The following HCN1 variants were observed in gnomAD, a reference collection of about 807,000 sequenced individuals.
The protein encoded by HCN1 is potassium/sodium hyperpolarization-activated cyclic nucleotide-gated channel 1.
A neutral mutation model predicts 78.9 loss-of-function variants in HCN1; 13 were observed. The ratio of observed to expected loss-of-function variants is 0.16; its 90% CI spans 0.11 to 0.26. HCN1 has a LOEUF of 0.26. Ranked by LOEUF, HCN1 falls within the 10% of genes least tolerant of loss-of-function variation. The pLI is 1.00. For missense variants in HCN1, 810 were observed against 1,154.3 expected, an observed-to-expected ratio of 0.70 and a Z score of 4.32; for synonymous variants, 552 against 455.5, an observed-to-expected ratio of 1.21 and a Z score of -2.70.
chr5:45,426,624 T>C lies in HCN1; in HGVS notation c.1012-29914A>G, dbSNP rs1579886623. On this transcript the variant is annotated intron_variant, in intron 3 of 7. Coordinates refer to ENST00000303230, the MANE Select transcript of HCN1 (RefSeq NM_021072.4). ...CATGATTGTGAGGCCTCCTCAGCTG[T>C]GTGGAACTGTGAGTTCGTTAAACCT... Among the ~76,000 whole-genome samples, 4 of 152,306 alleles carry C rather than the reference T, an allele frequency of 2.6e-5. No individual in the cohort carries two copies. In the South Asian group the frequency reaches 8.3e-4, roughly 32 times the overall value.
chr5:45,410,770 C>T (rs1423322576), intron 3 of HCN1, among the ~76,000 whole-genome samples: 2 of 152,040 alleles, frequency 1.3e-5, no homozygotes, highest in Non-Finnish European at 2.9e-5. Flanking sequence ...GTATTAAGCA[C>T]TTAAAGCTAT....
chr5:45,412,037 G>A (rs1740035345), intron 3 of HCN1, among the ~76,000 whole-genome samples: 1 of 152,086 alleles, frequency 6.6e-6, no homozygotes. Flanking sequence ...CCAATGTGGA[G>A]GGAAACAACA....
intron 4 of HCN1, among the ~76,000 whole-genome samples, chr5:45,384,447 T>G (rs1747875028): frequency 6.6e-6 from 1 of 152,148 alleles, no homozygotes; most frequent in Non-Finnish European, 1.5e-5. Context: ...ACTTCACTGT[T>G]TATATGGCCA....
intron 7 of HCN1, among the ~76,000 whole-genome samples, chr5:45,264,178 G>A (rs186122705): frequency 1.3e-5 from 2 of 152,272 alleles, no homozygotes; most frequent in Non-Finnish European, 2.9e-5. Flanking sequence ...AGGACCAAGG[G>A]CATAGTGCAT....
At chr5:45,444,955 A>C (rs547186009) in intron 3 of HCN1, among the ~76,000 whole-genome samples, 1 of 152,166 alleles carries the variant, frequency 6.6e-6, no homozygotes, top group Non-Finnish European at 1.5e-5. Flanking sequence ...CAGCCTGAGC[A>C]ATGCAGAAGA....
At chr5:45,515,124 T>C (rs140016841) in intron 2 of HCN1, among the ~76,000 whole-genome samples, 60 of 151,868 alleles carry the variant, frequency 4.0e-4, no homozygotes, top group Non-Finnish European at 7.1e-4. Flanking sequence ...CATTTTAACA[T>C]ATCGAGGACA....
chr5:45,539,953 TATATATAA>T (rs1187343849), intron 2 of HCN1, among the ~76,000 whole-genome samples: 3 of 115,968 alleles, frequency 2.6e-5, no homozygotes, highest in Admixed American at 9.1e-5. Context: ...TATATATATA[TATATATAA>T]AATGTTTATC....
chr5:45,351,280 A>T (rs1478264563), intron 5 of HCN1, among the ~76,000 whole-genome samples: 1 of 150,224 alleles, frequency 6.7e-6, no homozygotes, highest in Non-Finnish European at 1.5e-5. Context: ...TGGGGAAAGG[A>T]TTCCCTATTT....
At chr5:45,580,503 G>C (rs1744042056) in intron 2 of HCN1, among the ~76,000 whole-genome samples, 1 of 151,910 alleles carries the variant, frequency 6.6e-6, no homozygotes, top group Admixed American at 6.6e-5. Context: ...TCAGACTTCT[G>C]ATCTACAGAG....
intron 2 of HCN1, among the ~76,000 whole-genome samples, chr5:45,608,348 G>T (rs1306555597): frequency 7.7e-6 from 1 of 129,972 alleles, no homozygotes; most frequent in African/African-American, 2.8e-5. Context: ...AAATGGGTAG[G>T]ATGGGTGTAT....
intron 5 of HCN1, among the ~76,000 whole-genome samples, chr5:45,350,296 C>T (rs991343895): frequency 1.3e-5 from 2 of 152,092 alleles, no homozygotes; most frequent in Non-Finnish European, 2.9e-5. Context: ...TCAATAGATG[C>T]AGAAAAGGCC....
intron 2 of HCN1, among the ~76,000 whole-genome samples, chr5:45,612,072 C>A (rs1228974777): frequency 6.6e-6 from 1 of 152,168 alleles, no homozygotes; most frequent in African/African-American, 2.4e-5. Flanking sequence ...AAACCCATCA[C>A]ACTCACAAGG....
intron 2 of HCN1, among the ~76,000 whole-genome samples, chr5:45,539,501 A>C (rs1743045618): frequency 6.6e-6 from 1 of 150,538 alleles, no homozygotes; most frequent in Admixed American, 6.6e-5. Flanking sequence ...TCTCTACTAC[A>C]AAAAACACAA....
At chr5:45,669,810 CATG>C (rs1203310758) in intron 1 of HCN1, among the ~76,000 whole-genome samples, 2 of 151,680 alleles carry the variant, frequency 1.3e-5, no homozygotes, top group Admixed American at 1.3e-4. Context: ...TGTGGAGATA[CATG>C]ATATTATAGA....
rs1744591929 is a variant in HCN1 at position 45,255,595 on chromosome 5, G to C, written c.*6326C>G. On this transcript the variant is annotated 3_prime_UTR_variant, in exon 8 of 8. Coordinates refer to ENST00000303230, the MANE Select transcript of HCN1 (RefSeq NM_021072.4). Reference sequence around the variant, plus strand: ...TTTTAAACAGAATTGTAATATGTTAGGTTGGTAATAGATGTTAGAAGAGTT... The same window carrying C: ...TTTTAAACAGAATTGTAATATGTTACGTTGGTAATAGATGTTAGAAGAGTT... 6.6e-6 allele frequency: 1 copy of C among 152,178 alleles called. No homozygotes were observed. The highest frequency in any genetic ancestry group is 1.5e-5 in the Non-Finnish European group (1 of 68,034). 9.4% of individuals were successfully genotyped at this position (152,178 alleles called of 1,614,324 possible). A position where few individuals can be genotyped will look rare whatever the true frequency, so the allele number is the denominator to read the frequency against.
chr5:45,349,883 T>C (rs1470345873), intron 5 of HCN1, among the ~76,000 whole-genome samples: 1 of 152,096 alleles, frequency 6.6e-6, no homozygotes, highest in Non-Finnish European at 1.5e-5. Flanking sequence ...CAATAATCAA[T>C]AGCTTACCAA....
chr5:45,494,063 G>A (rs952336367), intron 2 of HCN1, among the ~76,000 whole-genome samples: 89 of 152,058 alleles, frequency 5.9e-4, no homozygotes, highest in African/African-American at 2.0e-3. Flanking sequence ...ATAAACATAC[G>A]TGTGCATGTG....
chr5:45,544,125 T>G (rs532946788), intron 2 of HCN1, among the ~76,000 whole-genome samples: 2 of 152,172 alleles, frequency 1.3e-5, no homozygotes, highest in Non-Finnish European at 2.9e-5. Context: ...ACCTTAGCAT[T>G]CTGAGGAATA....
intron 1 of HCN1, among the ~76,000 whole-genome samples, chr5:45,663,983 A>T (rs1158919643): frequency 5.6e-5 from 8 of 144,116 alleles, no homozygotes; most frequent in Non-Finnish European, 1.2e-4. Context: ...ACTATAAATC[A>T]TGCTGCTATA....
Sources: allele counts gnomAD v4.1 joint callset (sites outside exome capture counted in the v4.1 genomes callset), GRCh38; gene constraint gnomAD v4.1.1; transcripts MANE v1.5; gene names NCBI Gene and HGNC (gene_info 2026-07-23, HGNC 2026-07-21).